The following MATN2 variants were observed in gnomAD, a reference collection of about 807,000 sequenced individuals.
MATN2 encodes matrilin 2.
MATN2 carries 69 observed loss-of-function variants against 103.2 expected under a neutral mutation model. The observed-to-expected ratio is 0.67, with a 90% CI of 0.55 to 0.82. The LOEUF (loss-of-function observed/expected upper bound fraction) is 0.82, where lower values mean the gene tolerates loss of function less well. Among genes scored for constraint, MATN2 ranks in the 40% least tolerant of loss-of-function variants. The probability of loss-of-function intolerance (pLI) is 0.00; values close to 1 mark genes in which losing one functional copy is unlikely to be tolerated. For missense variants in MATN2, 1,023 were observed against 1,211.5 expected (o/e 0.84, Z 2.31); for synonymous variants, 429 against 450.2 (o/e 0.95, Z 0.60).
At chr8:98,003,079 G>A (rs922628817) in intron 7 of MATN2, among the ~76,000 whole-genome samples, 3 of 151,904 alleles carry the variant, frequency 2.0e-5, no homozygotes, top group Non-Finnish European at 4.4e-5. Flanking sequence ...AGGCATTTGT[G>A]TTCACTGTCC....
At chr8:98,017,686 A>T (rs904927337) in intron 11 of MATN2, among the ~76,000 whole-genome samples, 1 of 152,244 alleles carries the variant, frequency 6.6e-6, no homozygotes, top group African/African-American at 2.4e-5. Flanking sequence ...CCTCCTAAGG[A>T]ATCATATCAA....
chr8:97,954,404 A>T (rs966636472), intron 4 of MATN2, among the ~76,000 whole-genome samples: 3 of 152,192 alleles, frequency 2.0e-5, no homozygotes, highest in Non-Finnish European at 4.4e-5. Context: ...GTTTACTATC[A>T]ATCTTCTATC....
intron 5 of MATN2, among the ~76,000 whole-genome samples, chr8:97,972,322 G>C (rs975851502): frequency 7.5e-6 from 1 of 133,056 alleles, no homozygotes; most frequent in Admixed American, 8.8e-5. Context: ...CTGGGCGACA[G>C]AATGAGACCC....
intron 10 of MATN2, among the ~76,000 whole-genome samples, chr8:98,012,606 C>T (rs566736969): frequency 5.3e-5 from 8 of 152,182 alleles, no homozygotes; most frequent in South Asian, 2.1e-4. Context: ...CTGGGGACGC[C>T]GGCGGGACAC....
chr8:97,993,812 TTTAA>T (rs1237461932), intron 6 of MATN2, among the ~76,000 whole-genome samples: 8 of 152,184 alleles, frequency 5.3e-5, no homozygotes, highest in Non-Finnish European at 7.3e-5. Context: ...TTTGGGAACG[TTTAA>T]TTGTTTTAAT....
At chr8:97,967,086 A>G (rs951297081) in intron 5 of MATN2, among the ~76,000 whole-genome samples, 1 of 152,106 alleles carries the variant, frequency 6.6e-6, no homozygotes, top group Non-Finnish European at 1.5e-5. Flanking sequence ...TTTCAGACCA[A>G]CCAAATCTCA....
chr8:97,935,817 A>C (rs1283298535), intron 3 of MATN2, among the ~76,000 whole-genome samples: 2 of 152,184 alleles, frequency 1.3e-5, no homozygotes, highest in African/African-American at 4.8e-5. Context: ...ACGTGAGCCT[A>C]GGCATTCTGC....
At chr8:97,980,047 C>T (rs1811966270) in intron 6 of MATN2, among the ~76,000 whole-genome samples, 1 of 152,062 alleles carries the variant, frequency 6.6e-6, no homozygotes, top group Admixed American at 6.6e-5. Flanking sequence ...AACCATGTGC[C>T]AATAGAAATG....
At chr8:97,950,551 G>T (rs1400993063) in intron 4 of MATN2, among the ~76,000 whole-genome samples, 2 of 152,044 alleles carry the variant, frequency 1.3e-5, no homozygotes, top group Non-Finnish European at 2.9e-5. Flanking sequence ...ACATATTAGG[G>T]ACCCAAGAAA....
At chr8:97,912,392 G>GAGTCAGCGAGA (rs1373274372) in intron 2 of MATN2, among the ~76,000 whole-genome samples, 3 of 152,218 alleles carry the variant, frequency 2.0e-5, no homozygotes, top group Non-Finnish European at 4.4e-5. Flanking sequence ...AAGCTTAACG[G>GAGTCAGCGAGA]AGTCAGCGAG....
intron 6 of MATN2, among the ~76,000 whole-genome samples, chr8:97,993,732 C>G (rs1812472520): frequency 6.6e-6 from 1 of 152,078 alleles, no homozygotes; most frequent in Admixed American, 6.6e-5. Context: ...CCTTATTTTT[C>G]CCAGGATATG....
intron 2 of MATN2, among the ~76,000 whole-genome samples, chr8:97,897,986 C>T (rs1420142128): frequency 6.6e-6 from 1 of 152,144 alleles, no homozygotes; most frequent in East Asian, 1.9e-4. Flanking sequence ...TTCTCCCTTT[C>T]TCCTTTGTGT....
intron 4 of MATN2, chr8:97,950,735 A>G (rs1165978847): frequency 6.6e-6 from 1 of 152,262 alleles, no homozygotes; most frequent in African/African-American, 2.4e-5. Flanking sequence ...TTATGACATC[A>G]GATAGGTGAT....
chr8:97,949,472 C>T (rs1014980232), intron 4 of MATN2, among the ~76,000 whole-genome samples: 5 of 152,048 alleles, frequency 3.3e-5, no homozygotes, highest in Non-Finnish European at 4.4e-5. Context: ...CTGTGCCTGA[C>T]CAGAGTGGAT....
intron 2 of MATN2, among the ~76,000 whole-genome samples, chr8:97,893,347 C>A (rs1818697702): frequency 6.6e-6 from 1 of 152,148 alleles, no homozygotes; most frequent in Non-Finnish European, 1.5e-5. Context: ...GCACCCATCC[C>A]CTTCCACACT....
intron 1 of MATN2, among the ~76,000 whole-genome samples, 187 bp downstream of exon 1, chr8:97,869,474 G>A (rs1205355349): frequency 1.3e-5 from 2 of 152,022 alleles, no homozygotes; most frequent in Non-Finnish European, 2.9e-5. Flanking sequence ...CAGGGGGAGA[G>A]GGAGGGCGGC....
chr8:97,949,715 A>G (rs1810881028), intron 4 of MATN2, among the ~76,000 whole-genome samples: 1 of 152,264 alleles, frequency 6.6e-6, no homozygotes, highest in Non-Finnish European at 1.5e-5. Flanking sequence ...TGTTCACATC[A>G]GCTTTACTTG....
At position 98,003,576 on chromosome 8, in the gene MATN2, G is replaced by T. The variant is rs1392803072; in HGVS notation, c.1205-85G>T. On this transcript the variant is annotated intron_variant, in intron 7 of 18. Coordinates refer to ENST00000254898, the MANE Select transcript of MATN2 (RefSeq NM_002380.5). ...GCAGCACCCACCAGCCCTCTCCATGGGGGCTCATGGGAGCCCCGAGGGGCT... is the reference window on the plus strand; with the variant it reads ...GCAGCACCCACCAGCCCTCTCCATGTGGGCTCATGGGAGCCCCGAGGGGCT... The T allele has an allele frequency of 2.0e-6, 3 of 1,522,894 alleles. No homozygotes were observed. In the Admixed American group the frequency reaches 5.1e-5, roughly 26 times the overall value. 94.3% of individuals were successfully genotyped at this position (1,522,894 alleles called of 1,614,324 possible).
intron 4 of MATN2, among the ~76,000 whole-genome samples, chr8:97,949,165 G>T (rs1479713895): frequency 3.4e-5 from 4 of 116,652 alleles, no homozygotes; most frequent in South Asian, 3.2e-4. Flanking sequence ...ACCTCCACTA[G>T]AATGGATTTT....
Sources: gnomAD v4.1 joint callset for allele counts (sites outside exome capture counted in the v4.1 genomes callset) on GRCh38, gnomAD v4.1.1 for gene constraint, MANE v1.5 for transcripts, NCBI Gene and HGNC (gene_info 2026-07-23, HGNC 2026-07-21) for gene names.